GPATCH8: variants seen among roughly 807,000 people sequenced by gnomAD.
The protein encoded by GPATCH8 is G-patch domain containing 8.
Under a neutral mutation model 118.3 loss-of-function variants are expected in GPATCH8, and 18 were observed. The ratio of observed to expected loss-of-function variants is 0.15; its 90% CI spans 0.11 to 0.23. The LOEUF is 0.23. Ranked by LOEUF, GPATCH8 falls within the 10% of genes least tolerant of loss-of-function variation. The pLI, the probability that GPATCH8 is intolerant of heterozygous loss-of-function variation, is 1.00. For missense variants in GPATCH8, 1,631 were observed against 1,873.8 expected (o/e 0.87, Z 2.39); for synonymous variants, 659 against 684.7 (o/e 0.96, Z 0.59).
At chr17:44,503,005 C>T (rs906179475) in intron 1 of GPATCH8, among the ~76,000 whole-genome samples, 1 of 152,230 alleles carries the variant, frequency 6.6e-6, no homozygotes, top group Admixed American at 6.5e-5. Context: ...TGGGAGCCAG[C>T]CCTTCGCCGG....
chr17:44,447,952 G>T (rs1352770814), intron 3 of GPATCH8, among the ~76,000 whole-genome samples: 1 of 152,070 alleles, frequency 6.6e-6, no homozygotes. Context: ...GGGGGTGTTT[G>T]TTTGTGAGAC....
chr17:44,461,397 C>A (rs2051543576), intron 3 of GPATCH8, among the ~76,000 whole-genome samples: 1 of 151,710 alleles, frequency 6.6e-6, no homozygotes, highest in Admixed American at 6.6e-5. Flanking sequence ...ATTGCCCAGG[C>A]TGGTCTCAAC....
chr17:44,484,311 TCAAA>T (rs1294282022), intron 1 of GPATCH8, among the ~76,000 whole-genome samples: 3 of 152,298 alleles, frequency 2.0e-5, no homozygotes, highest in Non-Finnish European at 2.9e-5. Flanking sequence ...TGGCGTTGAT[TCAAA>T]CATACATTTA....
chr17:44,406,093 C>T, intron 6 of GPATCH8, 42 bp from the exon 7 acceptor site: 1 of 1,502,872 alleles, frequency 6.7e-7, no homozygotes, highest in Non-Finnish European at 9.3e-7. Context: ...GGATGATTTA[C>T]AGTAACTTGG....
At chr17:44,402,738 T>A (rs2049075455) in intron 7 of GPATCH8, among the ~76,000 whole-genome samples, 1 of 152,240 alleles carries the variant, frequency 6.6e-6, no homozygotes, top group Admixed American at 6.5e-5. Flanking sequence ...GTGGTCAGCA[T>A]GTCTGCCACA....
chr17:44,438,564 T>A (rs1245895737), intron 3 of GPATCH8: 2 of 150,790 alleles, frequency 1.3e-5, no homozygotes, highest in African/African-American at 4.9e-5. Context: ...GAAAGGAAAA[T>A]GAAAAAGACC....
At chr17:44,414,125 A>ATATATATATATG (rs1567955566) in intron 6 of GPATCH8, among the ~76,000 whole-genome samples, 2 of 33,094 alleles carry the variant, frequency 6.0e-5, no homozygotes, top group Non-Finnish European at 9.7e-5. Context: ...ATGTATATAT[A>ATATATATATATG]TGTGTATATA....
chr17:44,424,153 G>A (rs1009298840), intron 6 of GPATCH8, among the ~76,000 whole-genome samples, 196 bp downstream of exon 6: 1 of 152,178 alleles, frequency 6.6e-6, no homozygotes. Flanking sequence ...GTGTATATGT[G>A]GGAGTGTGGG....
chr17:44,429,649 A>AACACACACACACACACACACAC (rs144232073), intron 5 of GPATCH8, among the ~76,000 whole-genome samples: 3,553 of 125,516 alleles, frequency 0.028, 105 homozygotes, highest in East Asian at 0.045. Context: ...GTCTCTACTA[A>AACACACACACACACACACACAC]ACACACACAC....
chr17:44,445,070 T>C (rs939142466), intron 3 of GPATCH8, among the ~76,000 whole-genome samples: 16 of 152,200 alleles, frequency 1.1e-4, no homozygotes, highest in African/African-American at 2.9e-4. Context: ...TCAAAAAATA[T>C]GTAAACTTTT....
chr17:44,436,620 T>C (rs1035437217), intron 3 of GPATCH8, 75 bp from the exon 4 acceptor site: 1 of 804,796 alleles, frequency 1.2e-6, no homozygotes, highest in Non-Finnish European at 2.3e-6. Context: ...GGGTTTTGGG[T>C]GGTTAGAGAT....
In GPATCH8 at chr17:44,399,303, C is replaced by G. The variant is rs2048912787; in HGVS notation, c.2774G>C (p.Arg925Pro). The change falls in exon 8 of 8, where the codon CGG (arginine) becomes CCG (proline). Residue 925 changes from arginine (R) to proline (P), a missense_variant. By Grantham distance (103) the Arg-to-Pro change is moderately radical (BLOSUM62 -2). Coordinates refer to ENST00000591680, the MANE Select transcript of GPATCH8 (RefSeq NM_001002909.4). ...DYASSKHRSKRHKYSSSDDDY... is the reference protein window; with the variant it reads ...DYASSKHRSKPHKYSSSDDDY... Reference sequence around the variant, plus strand: ...ATCATCAGAAGATGAATATTTGTGCCGTTTTGATCGGTGTTTGGAGCTGGC... The same window carrying G: ...ATCATCAGAAGATGAATATTTGTGCGGTTTTGATCGGTGTTTGGAGCTGGC... The G allele has an allele frequency of 6.2e-7, 1 of 1,613,766 alleles. No individual in the cohort carries two copies. The highest frequency in any genetic ancestry group is 1.3e-5 in the African/African-American group (1 of 74,874).
chr17:44,467,142 C>A, intron 2 of GPATCH8: 1 of 1,166,032 alleles, frequency 8.6e-7, no homozygotes, highest in Non-Finnish European at 1.1e-6. Flanking sequence ...AAATGTAACA[C>A]AAAGTAAGAA....
intron 1 of GPATCH8, among the ~76,000 whole-genome samples, chr17:44,499,066 T>C (rs138038426): frequency 0.011 from 1,736 of 152,366 alleles, 13 homozygotes; most frequent in Middle Eastern, 0.041. Context: ...CAGAAAGTTC[T>C]TGGGCAATTT....
intron 3 of GPATCH8, among the ~76,000 whole-genome samples, chr17:44,458,365 T>C (rs139503413): frequency 0.013 from 1,948 of 152,288 alleles, 23 homozygotes; most frequent in Middle Eastern, 0.037. Context: ...ATGGCTATGA[T>C]GTAAGTACCT....
In GPATCH8 at chr17:44,400,165, C is replaced by A. The variant is rs769832547; in HGVS notation, c.1912G>T (p.Ala638Ser). 2.5e-6 allele frequency: 4 copies of A among 1,613,866 alleles called. No individual in the cohort carries two copies. The highest frequency in any genetic ancestry group is 3.3e-4 in the Middle Eastern group (2 of 6,062). ...TCCTGCTTGTTCAGGCCGCTACAGG[C>A]AGACCCTGAAGCAGGTGCGTCCATT... ...GRMDAPASGS[A>S]CSGLNKQEPG... Residue 638 changes from alanine to serine, a missense_variant, in exon 8 of 8, where the codon GCC becomes TCC. Physicochemically the swap from Ala to Ser is moderately conservative, Grantham distance 99. Transcript: ENST00000591680.
At chr17:44,463,449 C>T (rs879393293) in intron 3 of GPATCH8, among the ~76,000 whole-genome samples, 13 of 152,306 alleles carry the variant, frequency 8.5e-5, no homozygotes, top group Middle Eastern at 3.4e-3. Flanking sequence ...TACAGGTGCA[C>T]GATCTTGGCT....
intron 3 of GPATCH8, among the ~76,000 whole-genome samples, chr17:44,461,646 C>CT (rs2144276633): frequency 6.6e-6 from 1 of 152,146 alleles, no homozygotes; most frequent in African/African-American, 2.4e-5. Context: ...CCTAACTCCT[C>CT]TTTTCAAGAA....
In GPATCH8 at chr17:44,399,036, C is replaced by A; in HGVS notation, c.3041G>T (p.Ser1014Ile). ...GSRKRSWGHE[S>I]PEERHSGRRD... The stretch of plus-strand genomic sequence containing the variant: ...ACGCCCAGAATGCCTCTCCTCAGGG[C>A]TCTCGTGACCCCATGATCTCTTCCT... Residue 1014 changes from serine (S) to isoleucine (I), a missense_variant, in exon 8 of 8, where the codon AGC becomes ATC. Around this residue, in one of 8 missense-constraint regions of GPATCH8, gnomAD observed 922 missense variants for 879.7 expected, o/e 1.05. Transcript: ENST00000591680. 6.8e-6 allele frequency: 11 copies of A among 1,614,086 alleles called. No homozygotes were observed. The highest frequency in any genetic ancestry group is 1.1e-5 in the South Asian group (1 of 91,078).
Sources: allele counts gnomAD v4.1 joint callset (sites outside exome capture counted in the v4.1 genomes callset), GRCh38; gene constraint gnomAD v4.1.1; regional missense constraint gnomAD v4.1.1; transcripts MANE v1.5; gene names NCBI Gene and HGNC (gene_info 2026-07-23, HGNC 2026-07-21).